Variants in NWD2 observed in about 807,000 individuals in gnomAD.
NWD2 encodes NACHT and WD repeat domain-containing protein 2.
NWD2 carries 37 observed loss-of-function variants against 132.7 expected under a neutral mutation model. The observed-to-expected ratio is 0.28, with a 90% CI of 0.21 to 0.37. The LOEUF (loss-of-function observed/expected upper bound fraction) is 0.37. Among genes scored for constraint, NWD2 ranks in the 10% least tolerant of loss-of-function variants. The pLI, the probability that NWD2 is intolerant of heterozygous loss-of-function variation, is 1.00. For synonymous variants in NWD2, 705 were observed against 803.0 expected, an observed-to-expected ratio of 0.88 and a Z score of 2.06; for missense variants, 1,592 against 2,122.4, an observed-to-expected ratio of 0.75 and a Z score of 4.91.
chr4:37,280,329 A>G (rs932266152), intron 1 of NWD2, among the ~76,000 whole-genome samples: 3 of 152,112 alleles, frequency 2.0e-5, no homozygotes, highest in Non-Finnish European at 4.4e-5. Flanking sequence ...GGTGGCCAGA[A>G]CCTATCCTGG....
rs936401196 is a variant in NWD2, at chr4:37,449,164, T to G, written c.*1947T>G. The G allele has an allele frequency of 2.0e-5, 3 of 152,212 alleles. No homozygotes were observed. Among genetic ancestry groups the G allele is most frequent in the Non-Finnish European group, 2.9e-5 (2 of 68,030 alleles). 9.4% of individuals were successfully genotyped at this position (152,212 alleles called of 1,614,324 possible). A position where few individuals can be genotyped will look rare whatever the true frequency, so the allele number is the denominator to read the frequency against. Reference sequence around the variant, plus strand: ...CCTCCATGCCACACATTTCTAAGAATTAAATGCCTAGATGGATTAAATGTA... The same window carrying G: ...CCTCCATGCCACACATTTCTAAGAAGTAAATGCCTAGATGGATTAAATGTA... On this transcript the variant is annotated 3_prime_UTR_variant, in exon 7 of 7. Transcript: ENST00000309447.
At chr4:37,421,601 A>G (rs6811086) in intron 3 of NWD2, among the ~76,000 whole-genome samples, 1,722 of 152,332 alleles carry the variant, frequency 0.011, 32 homozygotes, top group African/African-American at 0.039. Flanking sequence ...TGATTTTGAG[A>G]AAGCTGAGAA....
chr4:37,412,743 A>G (rs1577695388), intron 3 of NWD2, among the ~76,000 whole-genome samples: 1 of 152,232 alleles, frequency 6.6e-6, no homozygotes, highest in South Asian at 2.1e-4. Flanking sequence ...CTACAAGGCT[A>G]CAGTAACCAA....
At chr4:37,407,953 C>G (rs1721078383) in intron 3 of NWD2, among the ~76,000 whole-genome samples, 1 of 152,150 alleles carries the variant, frequency 6.6e-6, no homozygotes, top group Admixed American at 6.5e-5. Flanking sequence ...CTCCCCTACC[C>G]AAGGGAAGCC....
rs1430644068 is a variant in NWD2 at position 37,439,340 on chromosome 4, G to A, written c.1246G>A (p.Gly416Ser). 6.5e-7 allele frequency: 1 copy of A among 1,535,166 alleles called. No homozygotes were observed. The change falls in exon 6 of 7, where the codon GGT (glycine) becomes AGT (serine). Residue 416 changes from glycine (G) to serine (S), a missense_variant. Transcript: ENST00000309447. The surrounding 1 kb of genome is among the most constrained non-coding windows in gnomAD (Gnocchi z 4.5). Reference protein sequence around the residue: ...AGHINPLIIYGGPCTGKTLLL... With the variant: ...AGHINPLIIYSGPCTGKTLLL... ...ACACATCAACCCTCTTATTATATAT[G>A]GTGGGCCATGCACTGGGAAGACCCT...
intron 1 of NWD2, among the ~76,000 whole-genome samples, chr4:37,271,843 A>C (rs1033137512): frequency 1.3e-5 from 2 of 151,754 alleles, no homozygotes; most frequent in Non-Finnish European, 3.0e-5. Flanking sequence ...TTTTATCTTG[A>C]AGGACTCTCT....
intron 3 of NWD2, among the ~76,000 whole-genome samples, chr4:37,373,341 T>C (rs1039015820): frequency 4.6e-5 from 7 of 152,202 alleles, no homozygotes; most frequent in African/African-American, 1.7e-4. Context: ...TACCCACCCT[T>C]TGCCTAAATA....
chr4:37,386,777 T>C (rs1054182524), intron 3 of NWD2, among the ~76,000 whole-genome samples: 2 of 149,612 alleles, frequency 1.3e-5, no homozygotes, highest in Admixed American at 6.6e-5. Flanking sequence ...GGGGTGGGTC[T>C]CTCATGAATG....
At chr4:37,421,706 C>T (rs1226046800) in intron 3 of NWD2, among the ~76,000 whole-genome samples, 1 of 152,206 alleles carries the variant, frequency 6.6e-6, no homozygotes, top group African/African-American at 2.4e-5. Context: ...TATGACTTGA[C>T]CGCCTCATTT....
intron 1 of NWD2, among the ~76,000 whole-genome samples, chr4:37,311,029 A>G (rs1363767886): frequency 1.3e-5 from 2 of 151,800 alleles, no homozygotes; most frequent in Non-Finnish European, 2.9e-5. Flanking sequence ...GATCCAGTCT[A>G]TCGTTGTTGG....
At chr4:37,307,734 CT>C (rs1299374474) in intron 1 of NWD2, among the ~76,000 whole-genome samples, 1 of 152,112 alleles carries the variant, frequency 6.6e-6, no homozygotes, top group African/African-American at 2.4e-5. Flanking sequence ...CCATCTCTTC[CT>C]CTTCTGGAAA....
At chr4:37,398,964 T>A (rs1720854765) in intron 3 of NWD2, among the ~76,000 whole-genome samples, 1 of 152,170 alleles carries the variant, frequency 6.6e-6, no homozygotes, top group South Asian at 2.1e-4. Flanking sequence ...TTGGCTGCCA[T>A]GACAAAAAGT....
In NWD2 at chr4:37,439,274, C is replaced by T. The variant is rs200042443; in HGVS notation, c.1180C>T (p.Leu394=). The change falls in exon 6 of 7, where the codon CTA becomes TTA. Residue 394 remains leucine (L), a synonymous_variant. Coordinates refer to ENST00000309447, the MANE Select transcript of NWD2 (RefSeq NM_001144990.2). This position sits in a 1 kb window ranked among gnomAD's most constrained non-coding sequence, Gnocchi z 4.5. ...ASFYEYKCES[L]NIVHNYILPS... Reference sequence around the variant, plus strand: ...CTTCTATGAGTACAAATGTGAATCTCTAAACATAGTGCATAACTACATTCT... The same window carrying T: ...CTTCTATGAGTACAAATGTGAATCTTTAAACATAGTGCATAACTACATTCT... The T allele has an allele frequency of 1.3e-4, 204 of 1,550,982 alleles. No individual in the cohort carries two copies. Among genetic ancestry groups the T allele is most frequent in the Non-Finnish European group, 1.6e-4 (185 of 1,146,818 alleles).
chr4:37,314,148 A>G (rs1656217), intron 1 of NWD2, among the ~76,000 whole-genome samples: 11,013 of 152,194 alleles, frequency 0.072, 1,232 homozygotes, highest in African/African-American at 0.24. Context: ...TCTGCAATAA[A>G]TCCCACTTGA....
intron 1 of NWD2, among the ~76,000 whole-genome samples, chr4:37,321,604 T>A (rs529431378): frequency 1.3e-5 from 2 of 152,306 alleles, no homozygotes; most frequent in Admixed American, 1.3e-4. Flanking sequence ...CCTTTTTAAG[T>A]GTGAGATTCT....
rs559308310 is a variant in NWD2 at position 37,286,985 on chromosome 4, AG to A, written c.152-38950del. ...ATCAGGGTATCCAGGTTCTCTCATC[AG>A]AACTGACGAGGTGACTGACGTGATC... is the stretch of plus-strand genomic sequence containing the variant. On this transcript the variant is annotated intron_variant, in intron 1 of 6. Transcript: ENST00000309447. Among the ~76,000 whole-genome samples the A allele has an allele frequency of 4.0e-3, 616 of 152,276 alleles. 3 individuals are homozygous for A. The highest frequency in any genetic ancestry group is 0.014 in the African/African-American group (581 of 41,552).
chr4:37,329,404 G>A (rs1470660381), intron 2 of NWD2, among the ~76,000 whole-genome samples: 4 of 152,170 alleles, frequency 2.6e-5, no homozygotes, highest in Admixed American at 2.0e-4. Context: ...GGCATGCCAG[G>A]TAGTCAGAGA....
intron 1 of NWD2, among the ~76,000 whole-genome samples, chr4:37,295,191 T>C (rs1371055743): frequency 1.3e-5 from 2 of 152,236 alleles, no homozygotes; most frequent in African/African-American, 4.8e-5. Context: ...AGTTTTTTTT[T>C]TGTCAGAGTG....
chr4:37,443,235 T>A lies in NWD2; in HGVS notation c.1297-50T>A. ...TGGAGAGAGGCAATGTTATCACATA[T>A]GACCATGTGAATACATATTACCATT... On this transcript the variant is annotated intron_variant, in intron 6 of 6. Coordinates refer to ENST00000309447, the MANE Select transcript of NWD2 (RefSeq NM_001144990.2). This position sits in a 1 kb window ranked among gnomAD's most constrained non-coding sequence, Gnocchi z 4.1. 1 of 1,392,738 alleles carries A rather than the reference T, an allele frequency of 7.2e-7. No individual in the cohort carries two copies. Among genetic ancestry groups the A allele is most frequent in the Non-Finnish European group, 9.8e-7 (1 of 1,017,488 alleles). The allele number at this position is 1,392,738 out of a possible 1,614,324, so 86.3% of individuals were successfully genotyped here.
Sources: gnomAD v4.1 joint callset for allele counts (sites outside exome capture counted in the v4.1 genomes callset) on GRCh38, gnomAD v4.1.1 for gene constraint, Gnocchi (gnomAD v3.1) non-coding constraint, MANE v1.5 for transcripts, NCBI Gene and HGNC (gene_info 2026-07-23, HGNC 2026-07-21) for gene names.